The following MINDY3 variants were observed in gnomAD, a reference collection of about 807,000 sequenced individuals.
MINDY3 encodes the protein ubiquitin carboxyl-terminal hydrolase MINDY-3.
In MINDY3, 38 loss-of-function variants were observed where a neutral mutation model predicts 69.2. That is an observed-to-expected ratio of 0.55 (90% CI 0.42 to 0.72). The LOEUF (loss-of-function observed/expected upper bound fraction) is 0.72. MINDY3 is among the 30% of genes least tolerant of loss of function. MINDY3 has a pLI of 0.00. For missense variants in MINDY3, 522 were observed against 519.0 expected, an observed-to-expected ratio of 1.01 and a Z score of -0.06; for synonymous variants, 192 against 180.1, an observed-to-expected ratio of 1.07 and a Z score of -0.53.
intron 10 of MINDY3, among the ~76,000 whole-genome samples, chr10:15,796,634 A>C (rs1368116643): frequency 1.3e-5 from 2 of 152,072 alleles, no homozygotes; most frequent in African/African-American, 2.4e-5. Context: ...TGATACAATG[A>C]GATAGCAATG....
At chr10:15,802,967 C>T (rs752744317) in intron 10 of MINDY3, among the ~76,000 whole-genome samples, 7 of 151,928 alleles carry the variant, frequency 4.6e-5, no homozygotes, top group Non-Finnish European at 8.8e-5. Flanking sequence ...GAGAAAAAAC[C>T]CAAGAGATTA....
rs200385721 is a variant in MINDY3 at position 15,821,734 on chromosome 10, A to C, written c.731-8T>G. On this transcript the variant is annotated splice_region_variant and splice_polypyrimidine_tract_variant and intron_variant, in intron 8 of 14. Transcript: ENST00000277632. Reference sequence around the variant, plus strand: ...CATGTATACCAAGAAGTTCTGCAAAAAACAACAACAACAACAAAAAACGAA... The same window carrying C: ...CATGTATACCAAGAAGTTCTGCAAACAACAACAACAACAACAAAAAACGAA... The C allele has an allele frequency of 7.4e-5, 119 of 1,608,460 alleles. No individual in the cohort carries two copies. The highest frequency in any genetic ancestry group is 3.3e-4 in the Middle Eastern group (2 of 6,050).
In MINDY3 at chr10:15,837,261, T is replaced by C. The variant is rs758181937; in HGVS notation, c.519A>G (p.Ser173=). 6.2e-7 allele frequency: 1 copy of C among 1,609,046 alleles called. No individual in the cohort carries two copies. The change falls in exon 6 of 15, where the codon TCA becomes TCG. Residue 173 remains serine (S), a synonymous_variant. Transcript: ENST00000277632. The stretch of plus-strand genomic sequence containing the variant: ...ATACTCCAAATTTATTTCCCCACAT[T>C]GAATACTGGTCCAAGACAGCATCTT... ...ELKDAVLDQY[S]MWGNKFGVLL... is the part of the protein sequence containing the mutation.
At chr10:15,823,965 G>T (rs954898374) in intron 8 of MINDY3, among the ~76,000 whole-genome samples, 4 of 152,092 alleles carry the variant, frequency 2.6e-5, no homozygotes, top group Admixed American at 6.6e-5. Context: ...CACGTATACT[G>T]CAAATAACAG....
chr10:15,834,103 G>A lies in MINDY3; in HGVS notation c.651-394C>T, dbSNP rs114715319. ...GAAAGGTCTAAAAAGAAGGACTCAC[G>A]TATTAGAGTAGGTTAACTATCACTG... On this transcript the variant is annotated intron_variant, in intron 7 of 14. Coordinates refer to ENST00000277632, the MANE Select transcript of MINDY3 (RefSeq NM_024948.4). Among the ~76,000 whole-genome samples, 832 of 152,040 alleles carry A rather than the reference G, an allele frequency of 5.5e-3. 7 individuals carry two copies. Among genetic ancestry groups the A allele is most frequent in the African/African-American group, 0.019 (797 of 41,494 alleles).
At chr10:15,831,928 G>A (rs532821864) in intron 8 of MINDY3, among the ~76,000 whole-genome samples, 3 of 151,890 alleles carry the variant, frequency 2.0e-5, no homozygotes, top group Non-Finnish European at 2.9e-5. Flanking sequence ...CATCCACCTC[G>A]GCCTCCCAAA....
At chr10:15,846,238 T>C (rs575514623) in intron 2 of MINDY3, among the ~76,000 whole-genome samples, 3 of 152,326 alleles carry the variant, frequency 2.0e-5, no homozygotes, top group South Asian at 2.1e-4. Flanking sequence ...TACTGAAATA[T>C]ACTGTACTTT....
At chr10:15,837,643 G>C (rs1178651978) in intron 5 of MINDY3, 1 of 1,229,600 alleles carries the variant, frequency 8.1e-7, no homozygotes, top group African/African-American at 1.6e-5. Flanking sequence ...TCTTGTAAGA[G>C]GGGGTAAACA....
intron 1 of MINDY3, among the ~76,000 whole-genome samples, chr10:15,851,631 T>C (rs1028866747): frequency 2.6e-5 from 4 of 152,018 alleles, no homozygotes; most frequent in Admixed American, 2.0e-4. Flanking sequence ...CCATCTCCAG[T>C]CCACCCTATA....
chr10:15,860,325 C>G lies in MINDY3; in HGVS notation c.-26G>C. On this transcript the variant is annotated 5_prime_UTR_variant, in exon 1 of 15. Transcript: ENST00000277632. The stretch of plus-strand genomic sequence containing the variant: ...GATGAGGAACCGGCGGGCGGATCTT[C>G]GCTTTGCGGACTCCTGCCCCGGAAC... The G allele has an allele frequency of 6.5e-7, 1 of 1,541,616 alleles. No individual in the cohort carries two copies. The highest frequency in any genetic ancestry group is 1.2e-5 in the South Asian group (1 of 85,206).
At chr10:15,833,965 T>TA (rs901756945) in intron 7 of MINDY3, among the ~76,000 whole-genome samples, 1 of 152,046 alleles carries the variant, frequency 6.6e-6, no homozygotes, top group African/African-American at 2.4e-5. Flanking sequence ...TTTAAATGGA[T>TA]AAAAAATGAC....
intron 10 of MINDY3, among the ~76,000 whole-genome samples, chr10:15,803,396 G>A (rs191924228): frequency 6.6e-6 from 1 of 152,230 alleles, no homozygotes; most frequent in East Asian, 1.9e-4. Context: ...TGAAGAGCAA[G>A]TATAGAATTA....
At chr10:15,857,921 A>G in intron 1 of MINDY3, 1 of 983,754 alleles carries the variant, frequency 1.0e-6, no homozygotes, top group Non-Finnish European at 1.2e-6. Context: ...TCTTGCTTCC[A>G]GAAAACTAAT....
intron 1 of MINDY3, 110 bp downstream of exon 1, chr10:15,860,096 C>G: frequency 1.3e-6 from 1 of 792,780 alleles, no homozygotes; most frequent in Non-Finnish European, 2.1e-6. Flanking sequence ...AGCACGGCGA[C>G]TGGGGCAGAG....
At chr10:15,810,559 A>T (rs1029648513) in intron 10 of MINDY3, among the ~76,000 whole-genome samples, 1 of 152,188 alleles carries the variant, frequency 6.6e-6, no homozygotes, top group African/African-American at 2.4e-5. Context: ...AGCCATCTTA[A>T]GCACACCTCC....
chr10:15,804,466 C>T (rs1838488247), intron 10 of MINDY3, among the ~76,000 whole-genome samples: 1 of 152,126 alleles, frequency 6.6e-6, no homozygotes, highest in Non-Finnish European at 1.5e-5. Context: ...CTGAAAAGGT[C>T]TTTAAAGTTT....
intron 5 of MINDY3, 44 bp from the exon 6 acceptor site, chr10:15,837,362 A>T (rs1483441981): frequency 1.4e-5 from 20 of 1,390,616 alleles, no homozygotes; most frequent in Non-Finnish European, 2.0e-5. Context: ...TGATGAGATT[A>T]ACTACATTCA....
intron 11 of MINDY3, among the ~76,000 whole-genome samples, chr10:15,793,801 T>C (rs1338248073): frequency 1.3e-5 from 2 of 152,110 alleles, no homozygotes; most frequent in Non-Finnish European, 2.9e-5. Context: ...AATGAGGTCA[T>C]GGAGGTAAAG....
chr10:15,856,057 A>T (rs912884767), intron 1 of MINDY3, among the ~76,000 whole-genome samples: 3 of 152,182 alleles, frequency 2.0e-5, no homozygotes, highest in Admixed American at 1.3e-4. Flanking sequence ...AAAAATATAT[A>T]TAAGAGAATG....
Sources: gnomAD v4.1 joint callset for allele counts (sites outside exome capture counted in the v4.1 genomes callset) on GRCh38, gnomAD v4.1.1 for gene constraint, MANE v1.5 for transcripts, NCBI Gene and HGNC (gene_info 2026-07-23, HGNC 2026-07-21) for gene names.